The following AGBL4 variants were observed in gnomAD, a reference collection of about 807,000 sequenced individuals.
AGBL4 encodes cytosolic carboxypeptidase 6.
AGBL4 carries 58 observed loss-of-function variants against 66.4 expected under a neutral mutation model. That is an observed-to-expected ratio of 0.87 (90% CI 0.71 to 1.09). AGBL4 has a LOEUF of 1.09. Ranked by LOEUF, AGBL4 falls within the 50% of genes least tolerant of loss-of-function variation. The probability of loss-of-function intolerance (pLI) is 0.00; values close to 1 mark genes in which losing one functional copy is unlikely to be tolerated. For missense variants in AGBL4, 579 were observed against 631.0 expected, an observed-to-expected ratio of 0.92 and a Z score of 0.88; for synonymous variants, 234 against 222.9, an observed-to-expected ratio of 1.05 and a Z score of -0.44.
chr1:48,598,418 G>A (rs774510804), intron 9 of AGBL4, among the ~76,000 whole-genome samples: 1 of 152,092 alleles, frequency 6.6e-6, no homozygotes, highest in Non-Finnish European at 1.5e-5. Flanking sequence ...TACACACCTA[G>A]GGTATATGGT....
At chr1:48,891,177 C>T (rs12027124) in intron 5 of AGBL4, among the ~76,000 whole-genome samples, 76,489 of 152,022 alleles carry the variant, frequency 0.5, 22,224 homozygotes, top group Non-Finnish European at 0.67. Flanking sequence ...TGCTCCCTAA[C>T]AGGCAGATAT....
chr1:49,416,410 T>C (rs1645426734), intron 3 of AGBL4, among the ~76,000 whole-genome samples: 1 of 152,146 alleles, frequency 6.6e-6, no homozygotes, highest in African/African-American at 2.4e-5. Context: ...CAGTTCCACA[T>C]CTTACTAGTT....
chr1:49,960,036 G>C (rs144888325), intron 1 of AGBL4, among the ~76,000 whole-genome samples: 1 of 151,954 alleles, frequency 6.6e-6, no homozygotes, highest in East Asian at 1.9e-4. Context: ...TGGGAGCGGG[G>C]AGGGGATCAG....
chr1:49,195,938 C>G (rs1300819923), intron 4 of AGBL4, among the ~76,000 whole-genome samples: 1 of 152,002 alleles, frequency 6.6e-6, no homozygotes, highest in Non-Finnish European at 1.5e-5. Flanking sequence ...GAGTGAGTTC[C>G]CACAAGATCT....
chr1:49,407,418 C>A (rs564642019), intron 3 of AGBL4, among the ~76,000 whole-genome samples: 1 of 152,348 alleles, frequency 6.6e-6, no homozygotes, highest in East Asian at 1.9e-4. Flanking sequence ...TCCTGGGTTT[C>A]TGGACTGCCA....
chr1:48,662,313 T>C (rs972524716), intron 7 of AGBL4, among the ~76,000 whole-genome samples: 5 of 152,192 alleles, frequency 3.3e-5, no homozygotes, highest in African/African-American at 1.2e-4. Context: ...TCATTTTACA[T>C]TTGAGGCAAC....
chr1:48,968,061 G>A (rs947901570), intron 5 of AGBL4, among the ~76,000 whole-genome samples: 1 of 151,246 alleles, frequency 6.6e-6, no homozygotes. Flanking sequence ...TGAAGAGAGA[G>A]TAAAATGTGA....
intron 1 of AGBL4, among the ~76,000 whole-genome samples, chr1:50,020,974 A>C (rs1188402519): frequency 6.6e-6 from 1 of 152,196 alleles, no homozygotes; most frequent in South Asian, 2.1e-4. Context: ...TAGTGGTAAA[A>C]GACAATAAGG....
chr1:49,153,254 T>C (rs1646372303), intron 4 of AGBL4, among the ~76,000 whole-genome samples: 1 of 152,152 alleles, frequency 6.6e-6, no homozygotes, highest in Non-Finnish European at 1.5e-5. Context: ...GTTTCAGGCC[T>C]GCCATTCTTC....
chr1:49,450,816 A>G (rs1646262150), intron 3 of AGBL4, among the ~76,000 whole-genome samples: 2 of 152,070 alleles, frequency 1.3e-5, no homozygotes, highest in South Asian at 4.1e-4. Context: ...TATAAAAAAC[A>G]AATCTCCAAG....
intron 6 of AGBL4, among the ~76,000 whole-genome samples, chr1:48,705,630 C>G (rs1253753838): frequency 6.6e-6 from 1 of 152,226 alleles, no homozygotes; most frequent in Non-Finnish European, 1.5e-5. Flanking sequence ...TAAATCCAGT[C>G]TGATCTCAGA....
At chr1:48,926,525 T>C (rs544637429) in intron 5 of AGBL4, among the ~76,000 whole-genome samples, 45 of 151,740 alleles carry the variant, frequency 3.0e-4, no homozygotes, top group Admixed American at 1.1e-3. Flanking sequence ...CTGACCTCAA[T>C]TGATCCGCCC....
chr1:48,747,548 C>T (rs1650967406), intron 6 of AGBL4, among the ~76,000 whole-genome samples: 1 of 152,174 alleles, frequency 6.6e-6, no homozygotes, highest in Admixed American at 6.5e-5. Context: ...ATATAGCATA[C>T]AAATAACTCT....
intron 3 of AGBL4, among the ~76,000 whole-genome samples, chr1:49,604,355 G>C (rs578024000): frequency 5.3e-5 from 8 of 152,230 alleles, no homozygotes; most frequent in South Asian, 2.1e-4. Context: ...TCATATGTTT[G>C]TTGGCCATTT....
In AGBL4 at chr1:48,667,842, G is replaced by A. The variant is rs1646212985; in HGVS notation, c.635-4601C>T. Reference sequence around the variant, plus strand: ...TGCCAAGAGGCCCCAAAGAGCCCTAGGTGGGTCTCTGAGGACAAAAATCTC... The same window carrying A: ...TGCCAAGAGGCCCCAAAGAGCCCTAAGTGGGTCTCTGAGGACAAAAATCTC... On this transcript the variant is annotated intron_variant, in intron 6 of 13. Coordinates refer to ENST00000371839, the MANE Select transcript of AGBL4 (RefSeq NM_032785.4). Among the ~76,000 whole-genome samples the A allele has an allele frequency of 2.0e-5, 3 of 152,144 alleles. No individual in the cohort carries two copies. In the South Asian group the frequency reaches 6.2e-4, roughly 32 times the overall value.
intron 5 of AGBL4, among the ~76,000 whole-genome samples, chr1:48,982,485 T>C (rs562857769): frequency 7.2e-4 from 110 of 152,232 alleles, no homozygotes; most frequent in African/African-American, 2.5e-3. Context: ...CTGAGAATGA[T>C]GGTTTCCAGC....
rs1261330745 is a variant in AGBL4, at chr1:49,755,958, G to A, written c.158-58521C>T. ...CTGTTATCTGGCTCCTTTATTTCTA[G>A]CTTTGTCTCCCACAATACATTCAAT... On this transcript the variant is annotated intron_variant, in intron 2 of 13. Coordinates refer to ENST00000371839, the MANE Select transcript of AGBL4 (RefSeq NM_032785.4). Among the ~76,000 whole-genome samples the A allele has an allele frequency of 2.0e-5, 3 of 152,050 alleles. 1 individual carries two copies. Among genetic ancestry groups the A allele is most frequent in the African/African-American group, 7.2e-5 (3 of 41,386 alleles).
Position 49,497,653 on chromosome 1 carries a change from C to T in AGBL4, c.282+199660G>A, listed in dbSNP as rs181811086. On this transcript the variant is annotated intron_variant, in intron 3 of 13. Transcript: ENST00000371839. ...TATTGAAGAGACTGTCCTTTACTCACTGTGTGTTTTGGGCACGTTCGTTGA... is the reference window on the plus strand; with the variant it reads ...TATTGAAGAGACTGTCCTTTACTCATTGTGTGTTTTGGGCACGTTCGTTGA... Among the ~76,000 whole-genome samples, 24 of 152,058 alleles carry T rather than the reference C, an allele frequency of 1.6e-4. 1 individual carries two copies. The highest frequency in any genetic ancestry group is 7.2e-4 in the Admixed American group (11 of 15,254).
At chr1:49,578,831 T>C (rs1437320299) in intron 3 of AGBL4, among the ~76,000 whole-genome samples, 1 of 152,168 alleles carries the variant, frequency 6.6e-6, no homozygotes, top group Non-Finnish European at 1.5e-5. Flanking sequence ...GGGGTGAACT[T>C]GTGATGGTTC....
Sources: allele counts gnomAD v4.1 joint callset (sites outside exome capture counted in the v4.1 genomes callset), GRCh38; gene constraint gnomAD v4.1.1; transcripts MANE v1.5; gene names NCBI Gene and HGNC (gene_info 2026-07-23, HGNC 2026-07-21).